Variants in CADM2 observed in about 807,000 individuals in gnomAD.
CADM2 encodes cell adhesion molecule 2.
CADM2 carries 12 observed loss-of-function variants against 49.8 expected under a neutral mutation model. The ratio of observed to expected loss-of-function variants is 0.24; its 90% CI spans 0.15 to 0.39. The LOEUF (loss-of-function observed/expected upper bound fraction) is 0.39. Ranked by LOEUF, CADM2 falls within the 10% of genes least tolerant of loss-of-function variation. CADM2 has a pLI of 1.00. For synonymous variants in CADM2, 214 were observed against 175.4 expected, an observed-to-expected ratio of 1.22 and a Z score of -1.74; for missense variants, 378 against 492.3, an observed-to-expected ratio of 0.77 and a Z score of 2.20.
chr3:85,323,085 T>G (rs1293472849), intron 1 of CADM2, among the ~76,000 whole-genome samples: 4 of 152,140 alleles, frequency 2.6e-5, no homozygotes, highest in African/African-American at 9.7e-5. Context: ...TTTCCGTCAG[T>G]CTTTTTCACT....
intron 1 of CADM2, among the ~76,000 whole-genome samples, chr3:85,294,230 A>T (rs892385865): frequency 1.3e-5 from 2 of 152,164 alleles, no homozygotes; most frequent in Admixed American, 6.6e-5. Context: ...TCCAACATAC[A>T]AGGGATGTAA....
intron 1 of CADM2, among the ~76,000 whole-genome samples, chr3:85,661,188 A>G (rs1044682602): frequency 6.6e-6 from 1 of 152,044 alleles, no homozygotes; most frequent in Non-Finnish European, 1.5e-5. Context: ...AAATAACATC[A>G]ACACATAGGC....
At chr3:86,035,180 T>C (rs1257128909) in intron 8 of CADM2, among the ~76,000 whole-genome samples, 16 of 152,064 alleles carry the variant, frequency 1.1e-4, no homozygotes, top group Admixed American at 1.1e-3. Context: ...ACACTTTGTG[T>C]TGTTTTCTGA....
chr3:85,443,112 C>T (rs866277081), intron 1 of CADM2, among the ~76,000 whole-genome samples: 6 of 151,808 alleles, frequency 4.0e-5, no homozygotes, highest in Non-Finnish European at 7.4e-5. Flanking sequence ...TTAAAATAAA[C>T]GGGTTGATTT....
At chr3:85,887,980 C>T (rs1713901940) in intron 5 of CADM2, among the ~76,000 whole-genome samples, 1 of 152,202 alleles carries the variant, frequency 6.6e-6, no homozygotes, top group African/African-American at 2.4e-5. Flanking sequence ...GCAGTGAACT[C>T]TTACACGTCA....
chr3:85,300,593 G>A (rs1013971778), intron 1 of CADM2, among the ~76,000 whole-genome samples: 3 of 152,026 alleles, frequency 2.0e-5, no homozygotes, highest in Non-Finnish European at 2.9e-5. Context: ...AATCAGTGTC[G>A]GGGAATGATC....
intron 1 of CADM2, among the ~76,000 whole-genome samples, chr3:85,206,414 TCTC>T (rs1367049179): frequency 6.6e-6 from 1 of 151,548 alleles, no homozygotes; most frequent in African/African-American, 2.4e-5. Flanking sequence ...TTCACACCAT[TCTC>T]CTGCCTCAGC....
chr3:85,657,777 C>CAGATATATAT (rs1559574754), intron 1 of CADM2, among the ~76,000 whole-genome samples: 12 of 111,206 alleles, frequency 1.1e-4, no homozygotes, highest in South Asian at 3.0e-4. Flanking sequence ...TATATATATA[C>CAGATATATAT]ATATACATGT....
intron 1 of CADM2, among the ~76,000 whole-genome samples, chr3:85,106,653 T>C (rs2038238138): frequency 6.6e-6 from 1 of 152,190 alleles, no homozygotes. Context: ...TAATTTTGTA[T>C]TAGTAACCTA....
At chr3:85,394,893 G>A (rs950212744) in intron 1 of CADM2, among the ~76,000 whole-genome samples, 14 of 152,028 alleles carry the variant, frequency 9.2e-5, no homozygotes, top group South Asian at 2.1e-4. Context: ...CTCATGCAAA[G>A]ACAAAAATAT....
At chr3:85,180,397 T>G (rs2040900375) in intron 1 of CADM2, among the ~76,000 whole-genome samples, 1 of 150,704 alleles carries the variant, frequency 6.6e-6, no homozygotes, top group African/African-American at 2.4e-5. Context: ...TAATCCCAGC[T>G]AATTGGGAGG....
At chr3:85,401,695 C>T (rs185476092) in intron 1 of CADM2, among the ~76,000 whole-genome samples, 138 of 152,172 alleles carry the variant, frequency 9.1e-4, no homozygotes, top group Non-Finnish European at 1.6e-3. Flanking sequence ...TTGGAGGGAC[C>T]CTGTAGTCCT....
At chr3:85,609,852 T>A (rs2063630168) in intron 1 of CADM2, among the ~76,000 whole-genome samples, 1 of 152,070 alleles carries the variant, frequency 6.6e-6, no homozygotes, top group Admixed American at 6.6e-5. Flanking sequence ...AATGGGGATT[T>A]AATTTTTAGA....
At chr3:85,958,136 G>A (rs771959176) in intron 7 of CADM2, among the ~76,000 whole-genome samples, 2 of 151,908 alleles carry the variant, frequency 1.3e-5, no homozygotes, top group Non-Finnish European at 1.5e-5. Flanking sequence ...AGTGGGCAAA[G>A]GATATGAACA....
chr3:85,154,139 C>T (rs1468802451), intron 1 of CADM2, among the ~76,000 whole-genome samples: 2 of 152,126 alleles, frequency 1.3e-5, no homozygotes, highest in Non-Finnish European at 2.9e-5. Flanking sequence ...TCAAATTACT[C>T]CGAGCTACGG....
chr3:85,735,878 A>G lies in CADM2; in HGVS notation c.88+9330A>G, dbSNP rs116323705. Among the ~76,000 whole-genome samples, 1,243 of 152,294 alleles carry G rather than the reference A, an allele frequency of 8.2e-3. 13 individuals carry two copies. Among genetic ancestry groups the G allele is most frequent in the African/African-American group, 0.029 (1,189 of 41,566 alleles). ...CATGTAAAGTTGAAGAGACCTATTA[A>G]GCATTCATGTGAAGATGATAAGTAA... On this transcript the variant is annotated intron_variant, in intron 2 of 9. Transcript: ENST00000383699.
chr3:85,969,973 GTATA>G (rs78339917), intron 8 of CADM2, among the ~76,000 whole-genome samples: 3 of 63,932 alleles, frequency 4.7e-5, no homozygotes, highest in African/African-American at 3.7e-4. Context: ...GTGTGTGAGT[GTATA>G]TATATATATA....
intron 1 of CADM2, among the ~76,000 whole-genome samples, chr3:85,573,212 G>A (rs1469145367): frequency 2.4e-5 from 1 of 42,178 alleles, no homozygotes; most frequent in Non-Finnish European, 5.0e-5. Flanking sequence ...TTTATTTACT[G>A]AGGCAAGGTC....
chr3:85,291,654 A>C (rs1229658501), intron 1 of CADM2, among the ~76,000 whole-genome samples: 12 of 147,324 alleles, frequency 8.1e-5, no homozygotes, highest in Non-Finnish European at 1.8e-4. Context: ...AAAGAAAAGA[A>C]TTTTCAACCC....
Sources: gnomAD v4.1 joint callset for allele counts (sites outside exome capture counted in the v4.1 genomes callset) on GRCh38, gnomAD v4.1.1 for gene constraint, MANE v1.5 for transcripts, NCBI Gene and HGNC (gene_info 2026-07-23, HGNC 2026-07-21) for gene names.